The following ANKS1B variants were observed in gnomAD, a reference collection of about 807,000 sequenced individuals.
The protein encoded by ANKS1B is ankyrin repeat and sterile alpha motif domain-containing protein 1B.
Under a neutral mutation model 148.3 loss-of-function variants are expected in ANKS1B, and 36 were observed. That is an observed-to-expected ratio of 0.24 (90% CI 0.19 to 0.32). ANKS1B has a LOEUF of 0.32. ANKS1B is among the 10% of genes least tolerant of loss of function. The probability of loss-of-function intolerance (pLI) is 1.00; values close to 1 mark genes in which losing one functional copy is unlikely to be tolerated. For missense variants in ANKS1B, 1,157 were observed against 1,542.6 expected (o/e 0.75, Z 4.19); for synonymous variants, 542 against 560.8 (o/e 0.97, Z 0.47).
rs2095109597 is a variant in ANKS1B, at chr12:99,422,207, C to G, written c.1575+21466G>C. On this transcript the variant is annotated intron_variant, in intron 11 of 26. Transcript: ENST00000683438. ...GCCCTGGTGCAATGGCATCACCAAA[C>G]ACAGATAAGACAGCACAAAATAATT... 2.0e-5 allele frequency among the ~76,000 whole-genome samples: 3 copies of G among 152,194 alleles called. No homozygotes were observed. The South Asian group carries it at 6.2e-4, about 31-fold the overall frequency.
At chr12:99,371,285 T>A (rs2093119251) in intron 12 of ANKS1B, among the ~76,000 whole-genome samples, 1 of 152,120 alleles carries the variant, frequency 6.6e-6, no homozygotes, top group South Asian at 2.1e-4. Context: ...TTTTACTGTA[T>A]GTTGTCTCTA....
chr12:99,846,954 C>G (rs1207092870), intron 1 of ANKS1B, among the ~76,000 whole-genome samples: 2 of 152,070 alleles, frequency 1.3e-5, no homozygotes, highest in Admixed American at 1.3e-4. Flanking sequence ...GTTTCCTTCC[C>G]AAAGTTCACA....
At chr12:99,422,744 T>A (rs771806396) in intron 11 of ANKS1B, among the ~76,000 whole-genome samples, 3 of 152,144 alleles carry the variant, frequency 2.0e-5, no homozygotes, top group Non-Finnish European at 4.4e-5. Flanking sequence ...TGCATAGCTA[T>A]GGGAGATACT....
chr12:99,843,481 C>A (rs2086103477), intron 1 of ANKS1B, among the ~76,000 whole-genome samples: 2 of 152,060 alleles, frequency 1.3e-5, no homozygotes, highest in African/African-American at 4.8e-5. Flanking sequence ...TCATTTGCCT[C>A]CCACTTATAA....
rs1567522421 is a variant in ANKS1B at position 99,632,744 on chromosome 12, TA to T, written c.1272+22322del. 2.6e-4 allele frequency among the ~76,000 whole-genome samples: 26 copies of T among 100,662 alleles called. 1 individual carries two copies. The highest frequency in any genetic ancestry group is 7.1e-4 in the East Asian group (2 of 2,814). The allele number at this position is 100,662 out of a possible 152,430, so 66.0% of individuals were successfully genotyped here. The stretch of plus-strand genomic sequence containing the variant: ...TTTTCTTTCTATATATATATATATA[TA>T]TATATATATATATATATATATATTT... On this transcript the variant is annotated intron_variant, in intron 9 of 26. Coordinates refer to ENST00000683438, the MANE Select transcript of ANKS1B (RefSeq NM_001352186.2).
At chr12:99,251,294 A>C (rs1282570663) in intron 12 of ANKS1B, among the ~76,000 whole-genome samples, 1 of 152,182 alleles carries the variant, frequency 6.6e-6, no homozygotes, top group Non-Finnish European at 1.5e-5. Flanking sequence ...CATTTTTATA[A>C]AGAAATACAG....
chr12:99,843,619 A>C (rs1416713181), intron 1 of ANKS1B, among the ~76,000 whole-genome samples: 2 of 152,066 alleles, frequency 1.3e-5, no homozygotes, highest in Admixed American at 6.6e-5. Context: ...AGTATTCCAC[A>C]GTGTATATGT....
In ANKS1B at chr12:99,458,833, AAAG is replaced by A. The variant is rs1469812575; in HGVS notation, c.1439-15027_1439-15025del. Among the ~76,000 whole-genome samples the A allele has an allele frequency of 9.2e-5, 14 of 152,154 alleles. 1 individual carries two copies. The highest frequency in any genetic ancestry group is 8.3e-4 in the South Asian group (4 of 4,814). ...CACAGCTAAATTCTCTCAGACATTC[AAAG>A]AAGAATTGGTACCAATCCTGTTGAT... On this transcript the variant is annotated intron_variant, in intron 10 of 26. Coordinates refer to ENST00000683438, the MANE Select transcript of ANKS1B (RefSeq NM_001352186.2).
chr12:98,948,996 A>T (rs976012464), intron 17 of ANKS1B, among the ~76,000 whole-genome samples: 1 of 114,946 alleles, frequency 8.7e-6, no homozygotes, highest in African/African-American at 3.7e-5. Context: ...TCTGTCGCCC[A>T]GGCTGGAGTG....
At chr12:99,133,076 G>C (rs573510454) in intron 15 of ANKS1B, among the ~76,000 whole-genome samples, 109 of 136,724 alleles carry the variant, frequency 8.0e-4, no homozygotes, top group African/African-American at 2.7e-3. Context: ...TTTTGAGACA[G>C]AGTATTGCTC....
At chr12:99,245,603 A>C (rs762621093) in intron 13 of ANKS1B, among the ~76,000 whole-genome samples, 1 of 152,206 alleles carries the variant, frequency 6.6e-6, no homozygotes, top group Non-Finnish European at 1.5e-5. Flanking sequence ...TACTATAATG[A>C]TCTATTGTGC....
At chr12:99,439,979 A>G (rs2095523442) in intron 11 of ANKS1B, among the ~76,000 whole-genome samples, 2 of 151,804 alleles carry the variant, frequency 1.3e-5, no homozygotes, top group South Asian at 2.1e-4. Context: ...AAGAAACAAC[A>G]TGGATTAATT....
chr12:99,512,305 C>T (rs1430915737), intron 9 of ANKS1B, among the ~76,000 whole-genome samples: 1 of 151,958 alleles, frequency 6.6e-6, no homozygotes, highest in East Asian at 1.9e-4. Flanking sequence ...TGAAAAAAAG[C>T]TCAACAACAC....
intron 12 of ANKS1B, among the ~76,000 whole-genome samples, chr12:99,318,673 A>C (rs543990923): frequency 7.3e-5 from 11 of 151,038 alleles, no homozygotes; most frequent in African/African-American, 2.7e-4. Context: ...TATCTCCTTC[A>C]GTTCTTCTCT....
At chr12:99,766,567 T>G (rs2062665953) in intron 8 of ANKS1B, among the ~76,000 whole-genome samples, 2 of 152,150 alleles carry the variant, frequency 1.3e-5, no homozygotes. Context: ...CAGGTCAACA[T>G]GATCCTAGTT....
At chr12:98,742,946 T>C (rs926607714), downstream of ANKS1B, among the ~76,000 whole-genome samples, 21 of 152,176 alleles carry the variant, frequency 1.4e-4, no homozygotes, top group African/African-American at 4.8e-4. Flanking sequence ...TTTCAAAAAA[T>C]GTGTTTCGAA....
intron 16 of ANKS1B, among the ~76,000 whole-genome samples, chr12:99,055,366 G>T (rs995940846): frequency 2.0e-5 from 3 of 152,202 alleles, no homozygotes; most frequent in East Asian, 3.8e-4. Context: ...CATCCATAAA[G>T]CTGACCACTC....
intron 9 of ANKS1B, among the ~76,000 whole-genome samples, chr12:99,549,815 T>G (rs1481838531): frequency 2.6e-5 from 4 of 152,182 alleles, no homozygotes; most frequent in Non-Finnish European, 5.9e-5. Context: ...CTGGTCACAG[T>G]GGAAAATTCC....
At chr12:98,869,915 A>G (rs1178401365) in intron 17 of ANKS1B, among the ~76,000 whole-genome samples, 1 of 152,300 alleles carries the variant, frequency 6.6e-6, no homozygotes, top group Middle Eastern at 3.4e-3. Context: ...TCACATGAAG[A>G]GTACATGATG....
Sources: allele counts gnomAD v4.1 joint callset (sites outside exome capture counted in the v4.1 genomes callset), GRCh38; gene constraint gnomAD v4.1.1; transcripts MANE v1.5; gene names NCBI Gene and HGNC (gene_info 2026-07-23, HGNC 2026-07-21).